Variants in KCTD14 observed in about 807,000 individuals in gnomAD.
KCTD14 encodes BTB/POZ domain-containing protein KCTD14.
In KCTD14, 7 loss-of-function variants were observed where a neutral mutation model predicts 5.9. The ratio of observed to expected loss-of-function variants is 1.19; its 90% confidence interval spans 0.68 to 2.23. The LOEUF (loss-of-function observed/expected upper bound fraction) is 2.23, where lower values mean the gene tolerates loss of function less well. Among genes scored for constraint, KCTD14 ranks in the 30% most tolerant of loss-of-function variants. KCTD14 has a pLI of 0.00. For synonymous variants in KCTD14, 140 were observed against 133.1 expected, an observed-to-expected ratio of 1.05 and a Z score of -0.36; for missense variants, 342 against 332.2, an observed-to-expected ratio of 1.03 and a Z score of -0.23.
upstream of KCTD14, among the ~76,000 whole-genome samples, chr11:78,026,097 C>T (rs1283563042): frequency 6.6e-6 from 1 of 152,104 alleles, no homozygotes; most frequent in East Asian, 1.9e-4. Flanking sequence ...AGGTCATGTG[C>T]CCAAGGTGGT....
chr11:78,021,664 C>A (rs374296940), intron 1 of KCTD14, among the ~76,000 whole-genome samples: 5 of 152,122 alleles, frequency 3.3e-5, no homozygotes, highest in African/African-American at 1.2e-4. Flanking sequence ...GTGGTCCACC[C>A]ACCTCTGCCT....
rs1857173622 is a variant in KCTD14 at position 78,016,694 on chromosome 11, C to T, written c.667G>A (p.Ala223Thr). Residue 223 changes from alanine to threonine, a missense_variant, in exon 2 of 2, where the codon GCC becomes ACC. Ala to Thr is a moderately conservative substitution (Grantham distance 58, BLOSUM62 0). Coordinates refer to ENST00000353172, the MANE Select transcript of KCTD14 (RefSeq NM_023930.4). The stretch of plus-strand genomic sequence containing the variant: ...TTGGAGAATACCTTGTACCCCTGGG[C>T]CTTAATGTCCATCTCCAGGCAGTGC... ...LMHCLEMDIK[A>T]QGYKVFSKFY... The T allele has an allele frequency of 6.2e-7, 1 of 1,614,080 alleles. No homozygotes were observed. Among genetic ancestry groups the T allele is most frequent in the African/African-American group, 1.3e-5 (1 of 74,916 alleles).
chr11:78,034,457 TTCTC>T (rs139232522), intron 2 of KCTD14, among the ~76,000 whole-genome samples: 11 of 148,768 alleles, frequency 7.4e-5, no homozygotes, highest in Admixed American at 2.7e-4. Flanking sequence ...GTCTTAATCT[TTCTC>T]TCTCTCTCTC....
intron 1 of KCTD14, 147 bp from the exon 2 acceptor site, chr11:78,017,417 G>A: frequency 9.4e-7 from 1 of 1,064,316 alleles, no homozygotes; most frequent in Non-Finnish European, 1.3e-6. Context: ...ACTAAAGAGG[G>A]TTATATTTAT....
At chr11:78,024,411 T>TACAC (rs58091495), upstream of KCTD14, among the ~76,000 whole-genome samples, 221 of 116,854 alleles carry the variant, frequency 1.9e-3, 1 homozygote, top group East Asian at 8.0e-3. Context: ...TATATATATA[T>TACAC]ACACACACAC....
intron 2 of KCTD14, among the ~76,000 whole-genome samples, chr11:78,032,443 G>A (rs1857651194): frequency 6.6e-6 from 1 of 152,328 alleles, no homozygotes; most frequent in African/African-American, 2.4e-5. Flanking sequence ...TGTTTCACAG[G>A]CATTATCTCA....
intron 1 of KCTD14, among the ~76,000 whole-genome samples, chr11:78,042,567 C>T (rs142500946): frequency 8.9e-4 from 135 of 152,190 alleles, no homozygotes; most frequent in African/African-American, 3.0e-3. Flanking sequence ...GCGCTTTGAA[C>T]GAGATTGATT....
Position 78,017,048 on chromosome 11 carries a change from C to T in KCTD14, c.313G>A (p.Glu105Lys), listed in dbSNP as rs773908051. ...TAGAACTGAGCCTCACGGTACACTT[C>T]AGGGATGTGCTGTGTGGGCACTTGC... The part of the protein sequence containing the change: ...TGQVPTQHIP[E>K]VYREAQFYEI... Residue 105 changes from glutamate to lysine, a missense_variant, in exon 2 of 2, where the codon GAA becomes AAA. Physicochemically the swap from Glu to Lys is moderately conservative, Grantham distance 56. Coordinates refer to ENST00000353172, the MANE Select transcript of KCTD14 (RefSeq NM_023930.4). 2.5e-6 allele frequency: 4 copies of T among 1,614,268 alleles called. No homozygotes were observed. The highest frequency in any genetic ancestry group is 2.5e-6 in the Non-Finnish European group (3 of 1,180,050).
upstream of KCTD14, among the ~76,000 whole-genome samples, chr11:78,024,443 CACATAT>C (rs1230418618): frequency 0.02 from 1,282 of 63,110 alleles, 19 homozygotes; most frequent in African/African-American, 0.045. Flanking sequence ...CACACACACA[CACATAT>C]ATATATATAT....
At chr11:78,038,748 AAT>A in exon 2 of KCTD14, 1 of 1,535,736 alleles carries the variant, frequency 6.5e-7, no homozygotes, top group Non-Finnish European at 8.7e-7. Flanking sequence ...AACAGAGGCC[AAT>A]GTCACCCCCT....
chr11:78,028,683 G>C (rs945391359), intron 2 of KCTD14, among the ~76,000 whole-genome samples: 1 of 151,588 alleles, frequency 6.6e-6, no homozygotes, highest in African/African-American at 2.4e-5. Flanking sequence ...ACTCACACCT[G>C]TGATCGCAGC....
chr11:78,038,237 C>T (rs1857873648), intron 2 of KCTD14, among the ~76,000 whole-genome samples: 2 of 152,176 alleles, frequency 1.3e-5, no homozygotes, highest in Admixed American at 1.3e-4. Context: ...TCCTGGTGGA[C>T]AGCTCCTCCT....
intron 2 of KCTD14, among the ~76,000 whole-genome samples, chr11:78,035,118 A>G (rs1211692253): frequency 6.6e-6 from 1 of 152,078 alleles, no homozygotes; most frequent in African/African-American, 2.4e-5. Context: ...CCACTTTACA[A>G]TGGGTATATC....
chr11:78,033,824 T>A (rs2059521804), intron 2 of KCTD14, among the ~76,000 whole-genome samples: 1 of 143,200 alleles, frequency 7.0e-6, no homozygotes. Context: ...ACAGCTTGGG[T>A]GACAGAGTAA....
chr11:78,033,901 G>GTGTGTGTATATATA, intron 2 of KCTD14, among the ~76,000 whole-genome samples: 2 of 115,604 alleles, frequency 1.7e-5, no homozygotes, highest in African/African-American at 7.0e-5. Context: ...GTGTGTGTGT[G>GTGTGTGTATATATA]TATATATATA....
At chr11:78,022,578 C>T (rs1857334725) in intron 1 of KCTD14, among the ~76,000 whole-genome samples, 1 of 152,080 alleles carries the variant, frequency 6.6e-6, no homozygotes, top group Non-Finnish European at 1.5e-5. Context: ...GGAGAGAACC[C>T]GAATGTTCTG....
intron 2 of KCTD14, among the ~76,000 whole-genome samples, chr11:78,031,942 T>A (rs1857631590): frequency 1.3e-5 from 2 of 152,206 alleles, no homozygotes; most frequent in Admixed American, 1.3e-4. Context: ...GGATCACAGA[T>A]AATGGTGGCT....
chr11:78,039,779 C>G (rs1857940201), intron 1 of KCTD14, among the ~76,000 whole-genome samples: 1 of 151,740 alleles, frequency 6.6e-6, no homozygotes, highest in South Asian at 2.1e-4. Flanking sequence ...ATTTTTTCCA[C>G]CTGGTATCGT....
chr11:78,018,812 G>A (rs1337037627), intron 1 of KCTD14, among the ~76,000 whole-genome samples: 3 of 152,038 alleles, frequency 2.0e-5, no homozygotes, highest in African/African-American at 4.8e-5. Context: ...TATAATAAAA[G>A]CTGGGGGTGA....
Sources: gnomAD v4.1 joint callset for allele counts (sites outside exome capture counted in the v4.1 genomes callset) on GRCh38, gnomAD v4.1.1 for gene constraint, MANE v1.5 for transcripts, NCBI Gene and HGNC (gene_info 2026-07-23, HGNC 2026-07-21) for gene names.